The following FGD1 variants were observed in gnomAD, a reference collection of about 807,000 sequenced individuals.
FGD1 encodes FYVE, RhoGEF and PH domain-containing protein 1.
In FGD1, 12 loss-of-function variants were observed where a neutral mutation model predicts 65.0. The ratio of observed to expected loss-of-function variants is 0.18; its 90% confidence interval spans 0.12 to 0.30. The LOEUF (loss-of-function observed/expected upper bound fraction) is 0.30, where lower values mean the gene tolerates loss of function less well. FGD1 is among the 10% of genes least tolerant of loss of function. The pLI, the probability that FGD1 is intolerant of heterozygous loss-of-function variation, is 1.00. For synonymous variants in FGD1, 333 were observed against 343.9 expected, an observed-to-expected ratio of 0.97 and a Z score of 0.35; for missense variants, 542 against 837.6, an observed-to-expected ratio of 0.65 and a Z score of 4.36.
At position 54,466,843 on chromosome X, in the gene FGD1, A is replaced by G. The variant is rs763510817; in HGVS notation, c.1340+941T>C. On this transcript the variant is annotated intron_variant, in intron 6 of 17. Transcript: ENST00000375135. Reference sequence around the variant, plus strand: ...CGGCTCACTGCAAGCTCCACCTCCCAGGTTCACACCATTCTCCTGCTTCAG... The same window carrying G: ...CGGCTCACTGCAAGCTCCACCTCCCGGGTTCACACCATTCTCCTGCTTCAG... Among the ~76,000 whole-genome samples the G allele has an allele frequency of 3.2e-3, 344 of 107,289 alleles. 1 individual carries two copies. The highest frequency in any genetic ancestry group is 5.6e-3 in the Non-Finnish European group (292 of 51,929). The allele number at this position is 107,289 out of a possible 115,157, so 93.2% of individuals were successfully genotyped here.
chrX:54,476,214 G>A (rs1483285863), intron 1 of FGD1, among the ~76,000 whole-genome samples: 1 of 111,239 alleles, frequency 9.0e-6, no homozygotes, highest in Non-Finnish European at 1.9e-5. Context: ...AGTAGACCCT[G>A]TGCTTGGAGA....
In FGD1 at chrX:54,477,554, C is replaced by T. The variant is rs747823350; in HGVS notation, c.308-6067G>A. On this transcript the variant is annotated intron_variant, in intron 1 of 17. Transcript: ENST00000375135. Reference sequence around the variant, plus strand: ...AAGCAATTCTCCTGCCTCAGCTTCCCGAATAGCTGAGATTACAGGTGCCTG... The same window carrying T: ...AAGCAATTCTCCTGCCTCAGCTTCCTGAATAGCTGAGATTACAGGTGCCTG... Among the ~76,000 whole-genome samples the T allele has an allele frequency of 7.0e-4, 76 of 109,303 alleles. No homozygotes were observed. The South Asian group carries it at 0.028, about 41-fold the overall frequency. 94.9% of individuals were successfully genotyped at this position (109,303 alleles called of 115,157 possible). A position where few individuals can be genotyped will look rare whatever the true frequency, so the allele number is the denominator to read the frequency against.
intron 8 of FGD1, among the ~76,000 whole-genome samples, chrX:54,461,600 CAAAAAAAAAAAAAAAAA>C (rs1165040158): frequency 5.0e-4 from 9 of 18,052 alleles, no homozygotes; most frequent in African/African-American, 4.9e-4. Flanking sequence ...GACTCTGTCT[CAAAAAAAAAAAAAAAAA>C]AAAAAAAAAG....
chrX:54,483,301 TA>T (rs113934949), intron 1 of FGD1, among the ~76,000 whole-genome samples: 2 of 110,904 alleles, frequency 1.8e-5, no homozygotes, highest in African/African-American at 6.6e-5. Flanking sequence ...ATGCATTAGG[TA>T]GGGGGGTCCC....
intron 1 of FGD1, among the ~76,000 whole-genome samples, chrX:54,490,927 A>T (rs1923401496): frequency 9.0e-6 from 1 of 111,248 alleles, no homozygotes. Context: ...TCTCTCTGGG[A>T]AAACTGCAAC....
At chrX:54,467,755 G>C in intron 6 of FGD1, 29 bp downstream of exon 6, 1 of 1,165,594 alleles carries the variant, frequency 8.6e-7, no homozygotes, top group Non-Finnish European at 1.1e-6. Context: ...GGACAGGGGA[G>C]TGGGCAGTCT....
At chrX:54,453,757 A>G (rs1427300945) in intron 12 of FGD1, among the ~76,000 whole-genome samples, 1 of 111,419 alleles carries the variant, frequency 9.0e-6, no homozygotes, top group Non-Finnish European at 1.9e-5. Flanking sequence ...GATTTATGGT[A>G]ACAGTAGCTA....
chrX:54,494,402 CTTTTTTTTTTTTT>C (rs56235590), intron 1 of FGD1, among the ~76,000 whole-genome samples: 3 of 60,741 alleles, frequency 4.9e-5, no homozygotes, highest in Non-Finnish European at 8.5e-5. Context: ...CACCGTCTTT[CTTTTTTTTTTTTT>C]TTTTTTTTTT....
Position 54,495,116 on chromosome X carries a change from G to C in FGD1, c.307+10C>G, listed in dbSNP as rs1237123589. The C allele has an allele frequency of 4.3e-6, 5 of 1,172,941 alleles. No homozygotes were observed. The highest frequency in any genetic ancestry group is 5.7e-6 in the Non-Finnish European group (5 of 877,016). ...CCCGGGCTCCCATGCTCTCTCAGTC[G>C]CTCACTCACCAGGCCGAGGCTGCGA... is the stretch of plus-strand genomic sequence containing the variant. On this transcript the variant is annotated intron_variant, in intron 1 of 17. Coordinates refer to ENST00000375135, the MANE Select transcript of FGD1 (RefSeq NM_004463.3).
chrX:54,472,510 C>T (rs778047188), intron 1 of FGD1, among the ~76,000 whole-genome samples: 1 of 110,832 alleles, frequency 9.0e-6, no homozygotes, highest in East Asian at 2.9e-4. Context: ...ACTGTATGTC[C>T]CCTAAAGCCA....
intron 1 of FGD1, among the ~76,000 whole-genome samples, chrX:54,478,113 G>A (rs1275734400): frequency 2.7e-5 from 3 of 110,414 alleles, no homozygotes; most frequent in Non-Finnish European, 3.8e-5. Context: ...GTGATACCCC[G>A]TCTAAAAACA....
At chrX:54,450,614 G>A (rs1922353110) in intron 12 of FGD1, among the ~76,000 whole-genome samples, 1 of 111,648 alleles carries the variant, frequency 9.0e-6, no homozygotes, top group Admixed American at 9.6e-5. Flanking sequence ...GTGAAAATAA[G>A]GCCAAGGAGC....
chrX:54,495,440 G>A lies in FGD1; in HGVS notation c.-8C>T. On this transcript the variant is annotated 5_prime_UTR_variant, in exon 1 of 18. Coordinates refer to ENST00000375135, the MANE Select transcript of FGD1 (RefSeq NM_004463.3). Reference sequence around the variant, plus strand: ...GGCTCGGTGGCCATGCATGGTCCGGGCCTGGGCGCGGGGCCCGAGCTCCCC... The same window carrying A: ...GGCTCGGTGGCCATGCATGGTCCGGACCTGGGCGCGGGGCCCGAGCTCCCC... 2.0e-6 allele frequency: 2 copies of A among 979,480 alleles called. No individual in the cohort carries two copies. Among genetic ancestry groups the A allele is most frequent in the East Asian group, 4.2e-5 (1 of 23,920 alleles). The allele number at this position is 979,480 out of a possible 1,213,427, so 80.7% of individuals were successfully genotyped here.
At chrX:54,478,041 C>T (rs1923058438) in intron 1 of FGD1, among the ~76,000 whole-genome samples, 1 of 111,019 alleles carries the variant, frequency 9.0e-6, no homozygotes, top group East Asian at 2.9e-4. Context: ...TGGCTTGAAC[C>T]CGGGAGGCGG....
chrX:54,456,910 C>A lies in FGD1; in HGVS notation c.1637-343G>T, dbSNP rs990505787. 6.3e-5 allele frequency among the ~76,000 whole-genome samples: 7 copies of A among 111,339 alleles called. No homozygotes were observed. In the South Asian group the frequency reaches 2.7e-3, roughly 43 times the overall value. ...CCTCCCAAAGTGCTGGGATTACAGG[C>A]GTGAGCCACCGCACCCGGCCTCGGG... On this transcript the variant is annotated intron_variant, in intron 8 of 17. Coordinates refer to ENST00000375135, the MANE Select transcript of FGD1 (RefSeq NM_004463.3).
Position 54,471,457 on chromosome X carries a change from T to C in FGD1, c.338A>G (p.Lys113Arg). Residue 113 changes from lysine (K) to arginine (R), a missense_variant, in exon 2 of 18, where the codon AAA (lysine) becomes AGA (arginine). Transcript: ENST00000375135. ...GLHQGNRILV[K>R]SLSLDPGQSL... ...TTGGCCAGGGTCAAGGGACAAACTT[T>C]TAACCAGGATCCGGTTTCCCTGGTG... 1 of 1,211,492 alleles carries C rather than the reference T, an allele frequency of 8.3e-7. No homozygotes were observed. The highest frequency in any genetic ancestry group is 3.0e-5 in the East Asian group (1 of 33,844).
intron 1 of FGD1, among the ~76,000 whole-genome samples, chrX:54,487,182 C>T (rs1324407225): frequency 9.2e-6 from 1 of 109,194 alleles, no homozygotes; most frequent in Non-Finnish European, 1.9e-5. Flanking sequence ...TCAAATATGC[C>T]TTAAAAACGG....
chrX:54,451,091 A>C (rs1922365870), intron 12 of FGD1, among the ~76,000 whole-genome samples: 1 of 109,630 alleles, frequency 9.1e-6, no homozygotes, highest in African/African-American at 3.3e-5. Flanking sequence ...TCAAGTTGAG[A>C]AAAGAGGGTA....
At chrX:54,469,106 A>G (rs1922824854) in intron 4 of FGD1, among the ~76,000 whole-genome samples, 1 of 111,083 alleles carries the variant, frequency 9.0e-6, no homozygotes, top group South Asian at 3.8e-4. Flanking sequence ...TCACTCAACA[A>G]CTCATTCACC....
Sources: allele counts gnomAD v4.1 joint callset (sites outside exome capture counted in the v4.1 genomes callset), GRCh38; gene constraint gnomAD v4.1.1; transcripts MANE v1.5; gene names NCBI Gene and HGNC (gene_info 2026-07-23, HGNC 2026-07-21).